PRKAR2B: variants seen among roughly 807,000 people sequenced by gnomAD.
PRKAR2B encodes protein kinase cAMP-dependent type II regulatory subunit beta.
Under a neutral mutation model 49.9 loss-of-function variants are expected in PRKAR2B, and 14 were observed. The observed-to-expected ratio is 0.28, with a 90% CI of 0.19 to 0.44. PRKAR2B has a LOEUF of 0.44. Among genes scored for constraint, PRKAR2B ranks in the 20% least tolerant of loss-of-function variants. The pLI is 1.00. For synonymous variants in PRKAR2B, 196 were observed against 197.7 expected (o/e 0.99, Z 0.07); for missense variants, 393 against 537.9 (o/e 0.73, Z 2.67).
At position 107,045,147 on chromosome 7, in the gene PRKAR2B, C is replaced by T. The variant is rs1179014057; in HGVS notation, c.240C>T (p.Pro80=). ...AGGGGGTCAACTTCGCCGAGGAGCC[C>T]ATGCAGTCCGACTCCGAGGACGGGG... The part of the protein sequence containing the change: ...PSKGVNFAEE[P]MQSDSEDGEE... Residue 80 remains proline, a synonymous_variant, in exon 1 of 11, where the codon CCC becomes CCT. Transcript: ENST00000265717. 1.3e-6 allele frequency: 2 copies of T among 1,509,860 alleles called. No individual in the cohort carries two copies. The highest frequency in any genetic ancestry group is 1.8e-6 in the Non-Finnish European group (2 of 1,130,922). 93.5% of individuals were successfully genotyped at this position (1,509,860 alleles called of 1,614,324 possible). A position where few individuals can be genotyped will look rare whatever the true frequency, so the allele number is the denominator to read the frequency against.
chr7:107,058,919 A>C (rs1793969231), intron 1 of PRKAR2B, among the ~76,000 whole-genome samples: 1 of 152,226 alleles, frequency 6.6e-6, no homozygotes, highest in African/African-American at 2.4e-5. Flanking sequence ...ACACAGATAA[A>C]TGAGGAACAC....
intron 5 of PRKAR2B, among the ~76,000 whole-genome samples, chr7:107,145,189 A>G (rs1795868370): frequency 6.6e-6 from 1 of 152,224 alleles, no homozygotes; most frequent in African/African-American, 2.4e-5. Flanking sequence ...TTGCAGGCCA[A>G]TATGTTCTCT....
rs1293554869 is a variant in PRKAR2B, at chr7:107,160,162, G to A, written c.*580G>A. 2 of 152,552 alleles carry A rather than the reference G, an allele frequency of 1.3e-5. No homozygotes were observed. Among genetic ancestry groups the A allele is most frequent in the East Asian group, 3.8e-4 (2 of 5,206 alleles). The allele number at this position is 152,552 out of a possible 1,614,324, so 9.4% of individuals were successfully genotyped here. ...AAACTTTTTATATTTTTGCAATAAAGTACATTTTGACTTTGTTGGCATAAT... is the reference window on the plus strand; with the variant it reads ...AAACTTTTTATATTTTTGCAATAAAATACATTTTGACTTTGTTGGCATAAT... On this transcript the variant is annotated 3_prime_UTR_variant, in exon 11 of 11. Coordinates refer to ENST00000265717, the MANE Select transcript of PRKAR2B (RefSeq NM_002736.3).
rs76339056 is a variant in PRKAR2B, at chr7:107,108,692, C to T, written c.344-13260C>T. Among the ~76,000 whole-genome samples, 65 of 152,300 alleles carry T rather than the reference C, an allele frequency of 4.3e-4. No homozygotes were observed. In the East Asian group the frequency reaches 0.012, roughly 29 times the overall value. ...AATGATGATTGGCTCTAAAAAGAGC[C>T]TTTGGCTCCTGTACAGCTCTACAGC... On this transcript the variant is annotated intron_variant, in intron 2 of 10. Coordinates refer to ENST00000265717, the MANE Select transcript of PRKAR2B (RefSeq NM_002736.3).
At chr7:107,093,870 C>T (rs909876772) in intron 2 of PRKAR2B, among the ~76,000 whole-genome samples, 3 of 152,154 alleles carry the variant, frequency 2.0e-5, no homozygotes, top group African/African-American at 4.8e-5. Flanking sequence ...CATAGTATTC[C>T]ATGGTATATA....
At chr7:107,126,420 C>CA (rs35682952) in intron 3 of PRKAR2B, among the ~76,000 whole-genome samples, 1,488 of 37,486 alleles carry the variant, frequency 0.04, 84 homozygotes, top group East Asian at 0.048. Flanking sequence ...GAATCTGTCT[C>CA]AAAAAAAAAA....
At chr7:107,065,281 G>C (rs1794112082) in intron 1 of PRKAR2B, among the ~76,000 whole-genome samples, 2 of 150,108 alleles carry the variant, frequency 1.3e-5, no homozygotes, top group African/African-American at 4.9e-5. Context: ...AGTGTAGATA[G>C]GGTAGTTTGT....
chr7:107,099,499 C>T (rs759811899), intron 2 of PRKAR2B, among the ~76,000 whole-genome samples: 30 of 152,074 alleles, frequency 2.0e-4, no homozygotes, highest in East Asian at 1.2e-3. Context: ...CACCGTGGGC[C>T]GCACCCACTG....
chr7:107,132,933 C>T (rs1698114643), intron 4 of PRKAR2B, among the ~76,000 whole-genome samples: 1 of 152,084 alleles, frequency 6.6e-6, no homozygotes, highest in South Asian at 2.1e-4. Context: ...TATTTTAATG[C>T]TCCACTCAGT....
At position 107,159,792 on chromosome 7, in the gene PRKAR2B, A is replaced by C. The variant is rs1352769145; in HGVS notation, c.*210A>C. On this transcript the variant is annotated 3_prime_UTR_variant, in exon 11 of 11. Coordinates refer to ENST00000265717, the MANE Select transcript of PRKAR2B (RefSeq NM_002736.3). The stretch of plus-strand genomic sequence containing the variant: ...AAGAGTAGTTCATAAAAAAATCAAC[A>C]TACTGATAAAATGACTTTGTACTCC... 5 of 461,962 alleles carry C rather than the reference A, an allele frequency of 1.1e-5. No individual in the cohort carries two copies. The highest frequency in any genetic ancestry group is 1.9e-5 in the Non-Finnish European group (5 of 265,478). 28.6% of individuals were successfully genotyped at this position (461,962 alleles called of 1,614,324 possible). A position where few individuals can be genotyped will look rare whatever the true frequency, so the allele number is the denominator to read the frequency against.
chr7:107,156,448 A>G lies in PRKAR2B; in HGVS notation c.919-536A>G, dbSNP rs182152885. Among the ~76,000 whole-genome samples, 104 of 152,094 alleles carry G rather than the reference A, an allele frequency of 6.8e-4. 1 individual carries two copies. Among genetic ancestry groups the G allele is most frequent in the African/African-American group, 2.5e-3 (103 of 41,464 alleles). ...GCGAGACTCCATCTTGGGGGGGAAA[A>G]AGAAAGTATTATTTCAAATAATTTT... On this transcript the variant is annotated intron_variant, in intron 8 of 10. Transcript: ENST00000265717.
chr7:107,154,398 G>A (rs993296734), intron 8 of PRKAR2B, among the ~76,000 whole-genome samples: 2 of 152,128 alleles, frequency 1.3e-5, no homozygotes, highest in African/African-American at 4.8e-5. Context: ...CATACACTTA[G>A]AGCGTGCTTT....
chr7:107,156,344 G>A (rs1796088117), intron 8 of PRKAR2B, among the ~76,000 whole-genome samples: 1 of 152,008 alleles, frequency 6.6e-6, no homozygotes, highest in Admixed American at 6.6e-5. Flanking sequence ...AGGGTGAGGT[G>A]GGAGAGTCGC....
chr7:107,105,758 AT>A (rs779750282), intron 2 of PRKAR2B, among the ~76,000 whole-genome samples: 10 of 152,220 alleles, frequency 6.6e-5, no homozygotes, highest in Non-Finnish European at 1.3e-4. Flanking sequence ...AGGCACACTG[AT>A]TCTGGTTACA....
intron 1 of PRKAR2B, among the ~76,000 whole-genome samples, chr7:107,050,975 C>T (rs1348457517): frequency 6.6e-6 from 1 of 152,144 alleles, no homozygotes; most frequent in Non-Finnish European, 1.5e-5. Context: ...GAATTAGAGG[C>T]GTGAGCCACT....
At chr7:107,116,953 G>GTA (rs201886219) in intron 2 of PRKAR2B, among the ~76,000 whole-genome samples, 1,471 of 144,354 alleles carry the variant, frequency 0.01, 40 homozygotes, top group East Asian at 0.098. Context: ...GTGTGTGTGT[G>GTA]TGTATATATA....
chr7:107,085,394 T>C (rs1007174499), intron 2 of PRKAR2B, among the ~76,000 whole-genome samples: 8 of 152,188 alleles, frequency 5.3e-5, no homozygotes. Context: ...TCAAAATTTT[T>C]CCAAAATGTA....
chr7:107,093,780 C>G (rs367830336), intron 2 of PRKAR2B, among the ~76,000 whole-genome samples: 1 of 151,318 alleles, frequency 6.6e-6, no homozygotes, highest in African/African-American at 2.4e-5. Flanking sequence ...TCTGTCCTTG[C>G]GATAGTTTGC....
At chr7:107,146,273 T>C (rs1795890647) in intron 5 of PRKAR2B, 35 bp from the exon 6 acceptor site, 2 of 1,577,852 alleles carry the variant, frequency 1.3e-6, no homozygotes, top group African/African-American at 1.4e-5. Context: ...TGATATTTTA[T>C]TTGAATTAAC....
Sources: gnomAD v4.1 joint callset for allele counts (sites outside exome capture counted in the v4.1 genomes callset) on GRCh38, gnomAD v4.1.1 for gene constraint, MANE v1.5 for transcripts, NCBI Gene and HGNC (gene_info 2026-07-23, HGNC 2026-07-21) for gene names.